The following CRY1 variants were observed in gnomAD, a reference collection of about 807,000 sequenced individuals.
CRY1 encodes the protein cryptochrome circadian regulator 1, also known as cryptochrome-1.
In CRY1, 45 loss-of-function variants were observed where a neutral mutation model predicts 76.0. The observed-to-expected ratio is 0.59, with a 90% CI of 0.47 to 0.76. CRY1 has a LOEUF of 0.76. Among genes scored for constraint, CRY1 ranks in the 30% least tolerant of loss-of-function variants. The pLI is 0.00. For synonymous variants in CRY1, 248 were observed against 244.0 expected (o/e 1.02, Z -0.15); for missense variants, 587 against 716.4 (o/e 0.82, Z 2.06).
At chr12:107,044,908 A>G (rs1478377305) in intron 1 of CRY1, among the ~76,000 whole-genome samples, 3 of 152,190 alleles carry the variant, frequency 2.0e-5, no homozygotes, top group African/African-American at 7.2e-5. Context: ...AAAACTTTCT[A>G]TTATGGGAGT....
chr12:107,023,978 T>G (rs951401503), intron 1 of CRY1, among the ~76,000 whole-genome samples: 3 of 152,234 alleles, frequency 2.0e-5, no homozygotes, highest in African/African-American at 7.2e-5. Context: ...TCTAATTTTA[T>G]GTATTTGCTT....
intron 1 of CRY1, among the ~76,000 whole-genome samples, chr12:107,032,378 A>T (rs1444163874): frequency 6.6e-6 from 1 of 152,218 alleles, no homozygotes; most frequent in African/African-American, 2.4e-5. Context: ...AAAAAATTTT[A>T]TTAAAAAAAT....
chr12:107,051,667 GC>G (rs1010631637), intron 1 of CRY1, among the ~76,000 whole-genome samples: 1 of 152,048 alleles, frequency 6.6e-6, no homozygotes, highest in Non-Finnish European at 1.5e-5. Context: ...AACTATCATA[GC>G]ATTTCACTTT....
At chr12:107,088,378 G>A (rs1953428774) in intron 1 of CRY1, among the ~76,000 whole-genome samples, 1 of 152,170 alleles carries the variant, frequency 6.6e-6, no homozygotes, top group Admixed American at 6.5e-5. Context: ...AGAACCAGAG[G>A]CTGAAGCCAT....
intron 1 of CRY1, among the ~76,000 whole-genome samples, chr12:107,069,617 GTATA>G (rs1161209629): frequency 5.9e-4 from 44 of 74,594 alleles, no homozygotes; most frequent in African/African-American, 3.0e-3. Context: ...TATATAAAAA[GTATA>G]TATATATAAA....
chr12:107,066,126 T>G (rs746727244), intron 1 of CRY1, among the ~76,000 whole-genome samples: 5 of 152,200 alleles, frequency 3.3e-5, no homozygotes, highest in Non-Finnish European at 7.3e-5. Context: ...AACCCTCCTT[T>G]GTGTGTGTGC....
At chr12:106,993,723 C>G (rs535923423) in intron 10 of CRY1, among the ~76,000 whole-genome samples, 1 of 152,148 alleles carries the variant, frequency 6.6e-6, no homozygotes, top group Admixed American at 6.5e-5. Flanking sequence ...TAACTTCAAT[C>G]CCAGGCAATC....
intron 1 of CRY1, among the ~76,000 whole-genome samples, chr12:107,044,646 AT>A (rs1489184076): frequency 6.6e-6 from 1 of 152,236 alleles, no homozygotes; most frequent in Non-Finnish European, 1.5e-5. Flanking sequence ...ACAATTCACA[AT>A]ATAAACAAGA....
Position 107,093,019 on chromosome 12 carries a change from T to C in CRY1, c.-58A>G, listed in dbSNP as rs1207358223. On this transcript the variant is annotated 5_prime_UTR_variant, in exon 1 of 13. It removes an upstream start codon present in the reference 5' UTR. Coordinates refer to ENST00000008527, the MANE Select transcript of CRY1 (RefSeq NM_004075.5). ...ATTCAAGGAAGGAGGCTCCGGCTCA[T>C]AGCCGACACCTTCGCTTCCAAGAGA... The C allele has an allele frequency of 2.7e-6, 4 of 1,454,878 alleles. No homozygotes were observed. The highest frequency in any genetic ancestry group is 2.9e-5 in the South Asian group (2 of 69,382). 90.1% of individuals were successfully genotyped at this position (1,454,878 alleles called of 1,614,324 possible).
intron 1 of CRY1, among the ~76,000 whole-genome samples, chr12:107,056,472 C>T (rs1036578480): frequency 2.0e-5 from 3 of 152,174 alleles, no homozygotes; most frequent in African/African-American, 7.2e-5. Context: ...CTAGAGCAAG[C>T]TTGCCCAACC....
chr12:107,092,987 C>G lies in CRY1; in HGVS notation c.-26G>C, dbSNP rs1416525044. On this transcript the variant is annotated 5_prime_UTR_variant, in exon 1 of 13. Coordinates refer to ENST00000008527, the MANE Select transcript of CRY1 (RefSeq NM_004075.5). ...GCCGGGGGGCGCGGCGGGTCCTCCA[C>G]GGAGAAATTCAAGGAAGGAGGCTCC... 3 of 1,508,622 alleles carry G rather than the reference C, an allele frequency of 2.0e-6. No individual in the cohort carries two copies. Among genetic ancestry groups the G allele is most frequent in the South Asian group, 1.3e-5 (1 of 74,800 alleles). The allele number at this position is 1,508,622 out of a possible 1,614,324, so 93.5% of individuals were successfully genotyped here.
intron 1 of CRY1, among the ~76,000 whole-genome samples, chr12:107,084,824 G>C (rs1953375977): frequency 6.6e-6 from 1 of 152,104 alleles, no homozygotes; most frequent in African/African-American, 2.4e-5. Flanking sequence ...TGACAAATGG[G>C]ATCTAATTAA....
chr12:106,998,529 C>CAT (rs1247546771), intron 7 of CRY1, among the ~76,000 whole-genome samples: 1 of 152,008 alleles, frequency 6.6e-6, no homozygotes, highest in African/African-American at 2.4e-5. Flanking sequence ...ACTAGCATTA[C>CAT]ATAGTTTAAT....
At chr12:107,088,366 C>A (rs1257249685) in intron 1 of CRY1, among the ~76,000 whole-genome samples, 2 of 152,212 alleles carry the variant, frequency 1.3e-5, no homozygotes, top group Admixed American at 1.3e-4. Context: ...GAGGTCCTCA[C>A]CAGAACCAGA....
At chr12:106,998,693 A>ACACACAC (rs1238131760) in intron 7 of CRY1, among the ~76,000 whole-genome samples, 1,515 of 80,550 alleles carry the variant, frequency 0.019, 10 homozygotes, top group Non-Finnish European at 0.024. Flanking sequence ...CACACACACA[A>ACACACAC]GCTCAGAAAT....
At chr12:107,064,399 C>T (rs1298100377) in intron 1 of CRY1, among the ~76,000 whole-genome samples, 1 of 152,038 alleles carries the variant, frequency 6.6e-6, no homozygotes, top group South Asian at 2.1e-4. Flanking sequence ...AATGAGATGC[C>T]GCCACATACT....
chr12:107,070,560 C>T (rs1446615766), intron 1 of CRY1, among the ~76,000 whole-genome samples: 1 of 151,794 alleles, frequency 6.6e-6, no homozygotes, highest in East Asian at 1.9e-4. Context: ...AGAAAGAAAA[C>T]AAGGAAGAGA....
At chr12:107,066,228 A>G (rs376086415) in intron 1 of CRY1, among the ~76,000 whole-genome samples, 12 of 152,314 alleles carry the variant, frequency 7.9e-5, no homozygotes, top group African/African-American at 2.9e-4. Flanking sequence ...TCATAATTCT[A>G]AAATAATTTT....
intron 1 of CRY1, among the ~76,000 whole-genome samples, chr12:107,039,530 A>G (rs1234225942): frequency 6.6e-6 from 1 of 152,252 alleles, no homozygotes; most frequent in African/African-American, 2.4e-5. Flanking sequence ...GCATTTTTCT[A>G]AAGGAAACAA....
Sources: allele counts gnomAD v4.1 joint callset (sites outside exome capture counted in the v4.1 genomes callset), GRCh38; gene constraint gnomAD v4.1.1; transcripts MANE v1.5; gene names NCBI Gene and HGNC (gene_info 2026-07-23, HGNC 2026-07-21).